The following TRAPPC12 variants were observed in gnomAD, a reference collection of about 807,000 sequenced individuals.
The protein encoded by TRAPPC12 is trafficking protein particle complex subunit 12.
A neutral mutation model predicts 69.2 loss-of-function variants in TRAPPC12; 61 were observed. The observed-to-expected ratio is 0.88, with a 90% CI of 0.72 to 1.09. The LOEUF (loss-of-function observed/expected upper bound fraction) is 1.09, where lower values mean the gene tolerates loss of function less well. Among genes scored for constraint, TRAPPC12 ranks in the 50% least tolerant of loss-of-function variants. TRAPPC12 has a pLI of 0.00. For missense variants in TRAPPC12, 1,101 were observed against 1,016.4 expected, an observed-to-expected ratio of 1.08 and a Z score of -1.13; for synonymous variants, 469 against 438.9, an observed-to-expected ratio of 1.07 and a Z score of -0.86.
intron 2 of TRAPPC12, 23 bp downstream of exon 2, chr2:3,388,693 C>G (rs1362663430): frequency 6.6e-7 from 1 of 1,510,474 alleles, no homozygotes. Context: ...CTCCCACCTC[C>G]GCAGCCCGTG....
rs375144258 is a variant in TRAPPC12, at chr2:3,457,562, A to ATTT, written c.1531-59_1531-58insTTT. ...GCTGTACTGAGATTATATTATAACA[A>ATTT]AGTCTTAGACAAAAATTGGTTCCCA... is the stretch of plus-strand genomic sequence containing the variant. On this transcript the variant is annotated intron_variant, in intron 6 of 11. Coordinates refer to ENST00000324266, the MANE Select transcript of TRAPPC12 (RefSeq NM_016030.6). 4.0e-4 allele frequency: 567 copies of ATTT among 1,427,978 alleles called. 3 individuals carry two copies. In the African/African-American group the frequency reaches 7.1e-3, roughly 18 times the overall value. The allele number at this position is 1,427,978 out of a possible 1,614,324, so 88.5% of individuals were successfully genotyped here.
chr2:3,460,439 C>T (rs556906756), intron 8 of TRAPPC12, 103 bp downstream of exon 8: 14 of 718,008 alleles, frequency 1.9e-5, no homozygotes, highest in East Asian at 1.0e-4. Context: ...AGGGACCGGC[C>T]GTGCAGAGAA....
chr2:3,429,953 G>A (rs1472378575), intron 5 of TRAPPC12, among the ~76,000 whole-genome samples: 1 of 152,170 alleles, frequency 6.6e-6, no homozygotes, highest in African/African-American at 2.4e-5. Flanking sequence ...CCTCCCAGAG[G>A]CAGTCACAAT....
chr2:3,434,190 T>C (rs1023982195), intron 5 of TRAPPC12, among the ~76,000 whole-genome samples: 12 of 152,204 alleles, frequency 7.9e-5, no homozygotes, highest in African/African-American at 2.9e-4. Context: ...GTGGCTGTCA[T>C]TGTGTGCACC....
At chr2:3,438,698 C>T (rs1664028838) in intron 5 of TRAPPC12, among the ~76,000 whole-genome samples, 1 of 151,920 alleles carries the variant, frequency 6.6e-6, no homozygotes, top group South Asian at 2.1e-4. Flanking sequence ...AGTATGTGGT[C>T]CTCAGATTGG....
intron 2 of TRAPPC12, among the ~76,000 whole-genome samples, chr2:3,392,596 A>G (rs1358419531): frequency 6.6e-6 from 1 of 152,236 alleles, no homozygotes; most frequent in Non-Finnish European, 1.5e-5. Flanking sequence ...GTTTAAGTCA[A>G]AGAACTAGAA....
rs879641998 is a variant in TRAPPC12 at position 3,388,277 on chromosome 2, C to T, written c.654C>T (p.Ser218=). ...TCGGAGACACGGCCGCCAGCCACTC[C>T]TTGGCCTCGGACTTCTTCGACTCCT... is the stretch of plus-strand genomic sequence containing the variant. ...TFFGDTAASH[S]LASDFFDSFT... is the part of the protein sequence containing the mutation. Residue 218 remains serine (S), a synonymous_variant, in exon 2 of 12, where the codon TCC becomes TCT. Coordinates refer to ENST00000324266, the MANE Select transcript of TRAPPC12 (RefSeq NM_016030.6). 6.2e-7 allele frequency: 1 copy of T among 1,607,896 alleles called. No homozygotes were observed. The highest frequency in any genetic ancestry group is 1.1e-5 in the South Asian group (1 of 90,554).
At chr2:3,407,628 C>A (rs1199120924) in intron 3 of TRAPPC12, among the ~76,000 whole-genome samples, 6 of 151,946 alleles carry the variant, frequency 3.9e-5, no homozygotes, top group African/African-American at 7.3e-5. Flanking sequence ...CGGTGAAACC[C>A]CATCTCTACT....
chr2:3,400,590 C>T (rs1427834498), intron 2 of TRAPPC12, among the ~76,000 whole-genome samples: 2 of 152,190 alleles, frequency 1.3e-5, no homozygotes, highest in Non-Finnish European at 2.9e-5. Flanking sequence ...CTGGTCCCAG[C>T]TGTGTGTGAG....
chr2:3,468,358 C>T (rs1273768297), intron 9 of TRAPPC12, among the ~76,000 whole-genome samples: 1 of 151,984 alleles, frequency 6.6e-6, no homozygotes, highest in Non-Finnish European at 1.5e-5. Flanking sequence ...AGACAGACCC[C>T]GACCCTGGTC....
At chr2:3,457,583 T>G in intron 6 of TRAPPC12, 38 bp from the exon 7 acceptor site, 1 of 1,580,978 alleles carries the variant, frequency 6.3e-7, no homozygotes, top group Non-Finnish European at 8.7e-7. Context: ...AAAAATTGGT[T>G]CCCATGATTT....
chr2:3,412,559 C>T (rs1312564562), intron 3 of TRAPPC12, among the ~76,000 whole-genome samples: 1 of 152,144 alleles, frequency 6.6e-6, no homozygotes, highest in Non-Finnish European at 1.5e-5. Context: ...AAAACTCCGT[C>T]TCAAAAAACA....
intron 2 of TRAPPC12, among the ~76,000 whole-genome samples, chr2:3,400,135 C>T (rs1661357542): frequency 6.6e-6 from 1 of 152,224 alleles, no homozygotes; most frequent in South Asian, 2.1e-4. Flanking sequence ...ACGCCCAGAG[C>T]ACGTGTCAGG....
At chr2:3,427,154 T>A (rs1161777724) in intron 5 of TRAPPC12, among the ~76,000 whole-genome samples, 1 of 152,202 alleles carries the variant, frequency 6.6e-6, no homozygotes, top group Non-Finnish European at 1.5e-5. Flanking sequence ...TTTTCCTATT[T>A]CTTACACGGA....
chr2:3,406,403 A>G (rs563965296), intron 3 of TRAPPC12, among the ~76,000 whole-genome samples: 13 of 152,314 alleles, frequency 8.5e-5, no homozygotes, highest in South Asian at 2.1e-4. Context: ...CGTGTCCTCA[A>G]AAAGGTAAAC....
At chr2:3,479,096 T>C in intron 11 of TRAPPC12, 123 bp from the exon 12 acceptor site, 1 of 1,530,586 alleles carries the variant, frequency 6.5e-7, no homozygotes, top group Non-Finnish European at 8.8e-7. Context: ...CAGGGCCACC[T>C]AGGCTCTGCC....
At chr2:3,469,728 G>A (rs537777649) in intron 9 of TRAPPC12, among the ~76,000 whole-genome samples, 8 of 152,296 alleles carry the variant, frequency 5.3e-5, no homozygotes, top group South Asian at 2.1e-4. Flanking sequence ...CCCAGGCTGC[G>A]GGGTTGCCCC....
intron 9 of TRAPPC12, among the ~76,000 whole-genome samples, chr2:3,476,281 T>G (rs1025826108): frequency 2.0e-5 from 3 of 152,220 alleles, no homozygotes; most frequent in African/African-American, 7.2e-5. Flanking sequence ...TAGCTGCCAC[T>G]TTCATGGATG....
intron 2 of TRAPPC12, among the ~76,000 whole-genome samples, chr2:3,392,800 T>C (rs1296210211): frequency 6.6e-6 from 1 of 152,222 alleles, no homozygotes; most frequent in Non-Finnish European, 1.5e-5. Flanking sequence ...AAAATGGAGC[T>C]ACCATATGAT....
Sources: allele counts gnomAD v4.1 joint callset (sites outside exome capture counted in the v4.1 genomes callset), GRCh38; gene constraint gnomAD v4.1.1; transcripts MANE v1.5; gene names NCBI Gene and HGNC (gene_info 2026-07-23, HGNC 2026-07-21).